TNIK: variants seen among roughly 807,000 people sequenced by gnomAD.
TNIK encodes the protein TRAF2 and NCK interacting kinase.
Under a neutral mutation model 191.3 loss-of-function variants are expected in TNIK, and 49 were observed. The observed-to-expected ratio is 0.26, with a 90% CI of 0.20 to 0.32. TNIK has a LOEUF of 0.32. Ranked by LOEUF, TNIK falls within the 10% of genes least tolerant of loss-of-function variation. TNIK has a pLI of 1.00. For synonymous variants in TNIK, 594 were observed against 600.9 expected, an observed-to-expected ratio of 0.99 and a Z score of 0.17; for missense variants, 1,155 against 1,702.3, an observed-to-expected ratio of 0.68 and a Z score of 5.66.
chr3:171,172,817 G>A (rs953627100), intron 9 of TNIK, among the ~76,000 whole-genome samples: 1 of 152,196 alleles, frequency 6.6e-6, no homozygotes, highest in African/African-American at 2.4e-5. Context: ...GTGGCAGGAT[G>A]AGATGAAATT....
intron 2 of TNIK, among the ~76,000 whole-genome samples, chr3:171,235,011 T>A (rs1744088831): frequency 6.6e-6 from 1 of 152,216 alleles, no homozygotes; most frequent in South Asian, 2.1e-4. Context: ...TGTGGCTTTT[T>A]AAAAATTTTT....
chr3:171,205,506 G>C (rs1038541525), intron 4 of TNIK, among the ~76,000 whole-genome samples: 1 of 152,210 alleles, frequency 6.6e-6, no homozygotes, highest in African/African-American at 2.4e-5. Flanking sequence ...GGGGTAAGTT[G>C]AATGTGATGG....
chr3:171,140,341 A>G, intron 13 of TNIK, 58 bp downstream of exon 13: 1 of 1,385,722 alleles, frequency 7.2e-7, no homozygotes, highest in Admixed American at 2.4e-5. Context: ...CACCCCAGAG[A>G]AGGCTGGTGC....
chr3:171,388,146 C>G (rs536071769), intron 1 of TNIK, among the ~76,000 whole-genome samples: 1 of 152,288 alleles, frequency 6.6e-6, no homozygotes, highest in Admixed American at 6.5e-5. Flanking sequence ...CTAAAGTACT[C>G]AATACAAAGA....
rs535456725 is a variant in TNIK at position 171,282,844 on chromosome 3, G to A, written c.124-54623C>T. Among the ~76,000 whole-genome samples, 3 of 152,276 alleles carry A rather than the reference G, an allele frequency of 2.0e-5. No homozygotes were observed. The East Asian group carries it at 5.8e-4, about 29-fold the overall frequency. ...ACAAAACTCTAAGAAAGAGAAGGCA[G>A]AATGGTGGCAGCTCCAGAGGGTGGG... On this transcript the variant is annotated intron_variant, in intron 2 of 32. Coordinates refer to ENST00000436636, the MANE Select transcript of TNIK (RefSeq NM_015028.4).
At chr3:171,116,620 G>T (rs1232427660) in intron 18 of TNIK, among the ~76,000 whole-genome samples, 3 of 152,196 alleles carry the variant, frequency 2.0e-5, no homozygotes, top group Non-Finnish European at 2.9e-5. Context: ...GAGAAGAAAT[G>T]AGTCATAAGA....
chr3:171,187,879 GA>G (rs1737559319), intron 7 of TNIK, among the ~76,000 whole-genome samples: 3 of 152,162 alleles, frequency 2.0e-5, no homozygotes. Flanking sequence ...TGTACACAAA[GA>G]CCACAGGGTG....
At chr3:171,095,872 C>T (rs1722642330) in intron 22 of TNIK, among the ~76,000 whole-genome samples, 1 of 152,010 alleles carries the variant, frequency 6.6e-6, no homozygotes, top group South Asian at 2.1e-4. Flanking sequence ...ACATGTCATT[C>T]CTAGAAAGGA....
chr3:171,309,435 C>T (rs1753789534), intron 2 of TNIK, among the ~76,000 whole-genome samples: 1 of 152,044 alleles, frequency 6.6e-6, no homozygotes. Context: ...GAGGATCAAA[C>T]AACTATCTAT....
chr3:171,114,857 C>G (rs1005054911), intron 18 of TNIK, among the ~76,000 whole-genome samples: 4 of 152,328 alleles, frequency 2.6e-5, no homozygotes, highest in Non-Finnish European at 2.9e-5. Context: ...AAATACCCTT[C>G]ATTTAGAAAA....
At chr3:171,188,350 T>C (rs142856598) in intron 7 of TNIK, among the ~76,000 whole-genome samples, 1,561 of 152,270 alleles carry the variant, frequency 0.01, 25 homozygotes, top group African/African-American at 0.036. Flanking sequence ...CATCTTAGTT[T>C]AACGTAAAAA....
chr3:171,274,429 G>A (rs745997297), intron 2 of TNIK, among the ~76,000 whole-genome samples: 15 of 152,158 alleles, frequency 9.9e-5, no homozygotes, highest in Non-Finnish European at 1.9e-4. Context: ...CATAGCTACT[G>A]GCTGCATAAT....
rs1388418674 is a variant in TNIK, at chr3:171,061,525, TTTC to T, written c.*2353_*2355del. 6.6e-6 allele frequency: 1 copy of T among 152,172 alleles called. No homozygotes were observed. The highest frequency in any genetic ancestry group is 2.4e-5 in the African/African-American group (1 of 41,428). The allele number at this position is 152,172 out of a possible 1,614,324, so 9.4% of individuals were successfully genotyped here. ...GTTTAAACACAATGATTCCCTTTTATTTCTTAACTGTACCCAAAATCCCACAAT... is the reference window on the plus strand; with the variant it reads ...GTTTAAACACAATGATTCCCTTTTATTTAACTGTACCCAAAATCCCACAAT... On this transcript the variant is annotated 3_prime_UTR_variant, in exon 33 of 33. Transcript: ENST00000436636.
intron 15 of TNIK, among the ~76,000 whole-genome samples, chr3:171,136,967 ATTC>A (rs1730073555): frequency 6.6e-6 from 1 of 152,328 alleles, no homozygotes; most frequent in East Asian, 1.9e-4. Flanking sequence ...GTGATAAAAA[ATTC>A]TTCATCACAA....
intron 1 of TNIK, among the ~76,000 whole-genome samples, chr3:171,392,639 G>A (rs9876570): frequency 4.0e-5 from 6 of 151,894 alleles, no homozygotes; most frequent in African/African-American, 1.5e-4. Flanking sequence ...AATCAGCAGG[G>A]TGTGGTGGGG....
chr3:171,162,145 G>T (rs1734072037), intron 10 of TNIK, among the ~76,000 whole-genome samples: 1 of 151,998 alleles, frequency 6.6e-6, no homozygotes, highest in Non-Finnish European at 1.5e-5. Flanking sequence ...ATAGTGGCCG[G>T]GTGCGGTGGT....
chr3:171,197,860 C>T (rs1738898878), intron 4 of TNIK, among the ~76,000 whole-genome samples: 1 of 152,066 alleles, frequency 6.6e-6, no homozygotes, highest in Non-Finnish European at 1.5e-5. Context: ...TTAATGGGTT[C>T]CTCAATAAGT....
chr3:171,141,461 C>T (rs931498173), intron 12 of TNIK, among the ~76,000 whole-genome samples: 8 of 152,164 alleles, frequency 5.3e-5, no homozygotes, highest in African/African-American at 1.9e-4. Context: ...ATTATACTCT[C>T]AGGAAAGGAG....
At chr3:171,351,269 A>ATGTGTGTGTGTGTGTGTGTG (rs140083535) in intron 2 of TNIK, among the ~76,000 whole-genome samples, 3,166 of 146,964 alleles carry the variant, frequency 0.022, 77 homozygotes, top group East Asian at 0.13. Context: ...ATATATGTAT[A>ATGTGTGTGTGTGTGTGTGTG]TATGTGTGTG....
Sources: gnomAD v4.1 joint callset for allele counts (sites outside exome capture counted in the v4.1 genomes callset) on GRCh38, gnomAD v4.1.1 for gene constraint, MANE v1.5 for transcripts, NCBI Gene and HGNC (gene_info 2026-07-23, HGNC 2026-07-21) for gene names.